Variants in GPHN observed in about 807,000 individuals in gnomAD.
GPHN encodes gephyrin.
A neutral mutation model predicts 95.5 loss-of-function variants in GPHN; 17 were observed. The observed-to-expected ratio is 0.18, with a 90% CI of 0.12 to 0.27. The LOEUF (loss-of-function observed/expected upper bound fraction) is 0.27. Among genes scored for constraint, GPHN ranks in the 10% least tolerant of loss-of-function variants. The pLI is 1.00. For synonymous variants in GPHN, 320 were observed against 322.5 expected (o/e 0.99, Z 0.08); for missense variants, 660 against 978.1 (o/e 0.67, Z 4.34).
At chr14:67,060,290 G>A (rs756667627) in intron 11 of GPHN, among the ~76,000 whole-genome samples, 6 of 149,846 alleles carry the variant, frequency 4.0e-5, no homozygotes, top group African/African-American at 1.5e-4. Flanking sequence ...TTCCCTTCAT[G>A]TGCTTGTTTC....
At chr14:67,615,962 A>C in the GPHN span, 1 of 389,950 alleles carries the variant, frequency 2.6e-6, no homozygotes, top group East Asian at 5.4e-5. Flanking sequence ...ATACTGCTAC[A>C]TATTGAGCTA....
chr14:67,137,802 G>A (rs948883977), intron 17 of GPHN, among the ~76,000 whole-genome samples: 1 of 152,026 alleles, frequency 6.6e-6, no homozygotes, highest in South Asian at 2.1e-4. Context: ...TAAAGGAATG[G>A]CTAAGCACCA....
At chr14:67,076,618 G>A (rs560486156) in intron 11 of GPHN, among the ~76,000 whole-genome samples, 1 of 151,964 alleles carries the variant, frequency 6.6e-6, no homozygotes, top group East Asian at 1.9e-4. Context: ...TTTGGTAAGC[G>A]CAGTGAATAG....
At chr14:66,567,814 A>T (rs1358917452) in intron 1 of GPHN, among the ~76,000 whole-genome samples, 1 of 152,110 alleles carries the variant, frequency 6.6e-6, no homozygotes, top group Non-Finnish European at 1.5e-5. Flanking sequence ...ACCTTTGTTA[A>T]CTAGGTGTTT....
At chr14:66,996,180 C>T (rs540226280) in intron 9 of GPHN, 173 of 1,533,328 alleles carry the variant, frequency 1.1e-4, no homozygotes, top group Middle Eastern at 1.0e-3. Context: ...AAACCAGGCT[C>T]GGCTTCCCTC....
chr14:66,709,970 G>T (rs1446071129), intron 2 of GPHN, among the ~76,000 whole-genome samples: 2 of 151,888 alleles, frequency 1.3e-5, no homozygotes, highest in Non-Finnish European at 2.9e-5. Context: ...AATAATGAGT[G>T]TCCACTGCAT....
the GPHN span, chr14:67,729,740 A>T: frequency 2.0e-6 from 1 of 509,660 alleles, no homozygotes; most frequent in Admixed American, 2.2e-5. Context: ...TTTAAATACC[A>T]ATTAGCACAA....
intron 10 of GPHN, among the ~76,000 whole-genome samples, chr14:67,051,963 AC>A (rs2075325003): frequency 6.6e-6 from 1 of 152,238 alleles, no homozygotes; most frequent in Non-Finnish European, 1.5e-5. Flanking sequence ...TGAGAGAAGC[AC>A]TAAATATGGA....
the GPHN span, among the ~76,000 whole-genome samples, chr14:67,640,932 A>AAAAATAAAAAATCTAAAACACTTCTGGT: frequency 1.3e-5 from 2 of 152,158 alleles, no homozygotes; most frequent in South Asian, 2.1e-4. Context: ...AAAATCTGAA[A>AAAAATAAAAAATCTAAAACACTTCTGGT]CTTTTTGAGC....
chr14:67,456,566 C>T, the GPHN span, among the ~76,000 whole-genome samples: 3 of 150,212 alleles, frequency 2.0e-5, no homozygotes, highest in African/African-American at 7.4e-5. Flanking sequence ...CACGCCATTG[C>T]ACTCCAGCCT....
intron 1 of GPHN, among the ~76,000 whole-genome samples, chr14:66,663,330 T>C (rs2065765167): frequency 6.6e-6 from 1 of 152,064 alleles, no homozygotes; most frequent in Non-Finnish European, 1.5e-5. Context: ...TTCAACATGC[T>C]GAAAAAAGAA....
At chr14:67,699,240 C>T in the GPHN span, among the ~76,000 whole-genome samples, 171 of 148,890 alleles carry the variant, frequency 1.1e-3, 2 homozygotes, top group Admixed American at 3.1e-3. Context: ...GCGACAAGAG[C>T]GAGACTCTAT....
At chr14:67,125,948 CAAAGT>C (rs1037705405) in intron 17 of GPHN, among the ~76,000 whole-genome samples, 9 of 151,996 alleles carry the variant, frequency 5.9e-5, no homozygotes, top group Non-Finnish European at 1.3e-4. Flanking sequence ...TTTTGACAAT[CAAAGT>C]AAAAATAGAA....
At chr14:67,217,888 T>A in the GPHN span, among the ~76,000 whole-genome samples, 1 of 152,202 alleles carries the variant, frequency 6.6e-6, no homozygotes, top group Non-Finnish European at 1.5e-5. Context: ...GTTCTGTGCA[T>A]CTAATGGAAA....
the GPHN span, among the ~76,000 whole-genome samples, chr14:67,356,723 T>C: frequency 6.6e-6 from 1 of 152,180 alleles, no homozygotes; most frequent in Non-Finnish European, 1.5e-5. Flanking sequence ...CCCAAACATG[T>C]GCCTCCCCTT....
chr14:66,805,376 C>T (rs2060505700), intron 3 of GPHN, among the ~76,000 whole-genome samples: 3 of 152,118 alleles, frequency 2.0e-5, no homozygotes, highest in Non-Finnish European at 2.9e-5. Flanking sequence ...TATCATTTCA[C>T]CCCTGGCCCC....
At chr14:67,388,104 C>A in the GPHN span, 1 of 648,536 alleles carries the variant, frequency 1.5e-6, no homozygotes, top group East Asian at 2.7e-5. Context: ...TCACACCACT[C>A]TGTCTCATGG....
chr14:66,762,647 T>A (rs1595821735), intron 2 of GPHN, among the ~76,000 whole-genome samples: 3 of 152,246 alleles, frequency 2.0e-5, no homozygotes, highest in African/African-American at 7.2e-5. Context: ...GCAAGTTAAC[T>A]TTTCTGAACC....
the GPHN span, chr14:67,648,270 C>T: frequency 7.0e-7 from 1 of 1,438,252 alleles, no homozygotes; most frequent in Non-Finnish European, 9.4e-7. Flanking sequence ...TTCTGCTATT[C>T]CACATCATTG....
Sources: allele counts gnomAD v4.1 joint callset (sites outside exome capture counted in the v4.1 genomes callset), GRCh38; gene constraint gnomAD v4.1.1; transcripts MANE v1.5; gene names NCBI Gene and HGNC (gene_info 2026-07-23, HGNC 2026-07-21).